The following FOXN3 variants were observed in gnomAD, a reference collection of about 807,000 sequenced individuals.
FOXN3 encodes the protein forkhead box protein N3.
Under a neutral mutation model 38.4 loss-of-function variants are expected in FOXN3, and 7 were observed. That is an observed-to-expected ratio of 0.18 (90% confidence interval 0.10 to 0.34). The LOEUF (loss-of-function observed/expected upper bound fraction) is 0.34, where lower values mean the gene tolerates loss of function less well. Among genes scored for constraint, FOXN3 ranks in the 10% least tolerant of loss-of-function variants. The pLI is 1.00. For missense variants in FOXN3, 456 were observed against 613.4 expected, an observed-to-expected ratio of 0.74 and a Z score of 2.71; for synonymous variants, 230 against 242.2, an observed-to-expected ratio of 0.95 and a Z score of 0.47.
At chr14:89,367,007 G>C (rs1890179618) in intron 2 of FOXN3, among the ~76,000 whole-genome samples, 1 of 152,084 alleles carries the variant, frequency 6.6e-6, no homozygotes, top group Non-Finnish European at 1.5e-5. Context: ...ACAGTGACAG[G>C]GTGTGTGTAC....
intron 3 of FOXN3, among the ~76,000 whole-genome samples, chr14:89,331,653 G>A (rs1401985770): frequency 6.6e-6 from 1 of 152,182 alleles, no homozygotes; most frequent in Non-Finnish European, 1.5e-5. Context: ...AATCAGACCA[G>A]TCTTCTCCAG....
intron 4 of FOXN3, among the ~76,000 whole-genome samples, chr14:89,249,532 T>C (rs938621466): frequency 2.0e-5 from 3 of 152,200 alleles, no homozygotes; most frequent in Non-Finnish European, 2.9e-5. Flanking sequence ...CTTCTAGGAA[T>C]GAAACAATAA....
chr14:89,197,881 A>G (rs1042511865), intron 4 of FOXN3, among the ~76,000 whole-genome samples: 1 of 152,248 alleles, frequency 6.6e-6, no homozygotes, highest in Admixed American at 6.5e-5. Flanking sequence ...AGAAGCCATC[A>G]AGGAAGACAA....
At chr14:89,426,586 A>G (rs192081312) in intron 1 of FOXN3, among the ~76,000 whole-genome samples, 149 of 152,256 alleles carry the variant, frequency 9.8e-4, no homozygotes, top group African/African-American at 3.3e-3. Context: ...AAATACAAAA[A>G]CTACCAATGA....
At chr14:89,173,166 A>G (rs1887434219) in intron 5 of FOXN3, among the ~76,000 whole-genome samples, 1 of 152,274 alleles carries the variant, frequency 6.6e-6, no homozygotes, top group South Asian at 2.1e-4. Context: ...CAGGAAATCC[A>G]TAAAATAATA....
chr14:89,415,877 CACACACCCT>C (rs1566647899), intron 1 of FOXN3, among the ~76,000 whole-genome samples: 12 of 145,646 alleles, frequency 8.2e-5, no homozygotes, highest in Non-Finnish European at 1.5e-4. Flanking sequence ...CACACACACA[CACACACCCT>C]CTTTTGTTTT....
At chr14:89,207,430 G>A (rs1888414282) in intron 4 of FOXN3, among the ~76,000 whole-genome samples, 1 of 152,138 alleles carries the variant, frequency 6.6e-6, no homozygotes, top group Non-Finnish European at 1.5e-5. Flanking sequence ...ACTATAAGGT[G>A]TGCTATTGAT....
At chr14:89,205,773 G>C (rs774881368) in intron 4 of FOXN3, among the ~76,000 whole-genome samples, 1 of 152,214 alleles carries the variant, frequency 6.6e-6, no homozygotes, top group Non-Finnish European at 1.5e-5. Flanking sequence ...CGGGGCTTCG[G>C]GAGCTGTAAA....
chr14:89,389,916 T>C (rs1890890045), intron 2 of FOXN3, among the ~76,000 whole-genome samples: 2 of 151,738 alleles, frequency 1.3e-5, no homozygotes, highest in South Asian at 4.1e-4. Context: ...TTTTCACTTT[T>C]ATAAACAAAA....
At chr14:89,563,673 C>T (rs1258692614) in intron 1 of FOXN3, among the ~76,000 whole-genome samples, 6 of 151,906 alleles carry the variant, frequency 3.9e-5, no homozygotes. Flanking sequence ...GGAAGCAGAG[C>T]AAAGTATGGA....
intron 3 of FOXN3, among the ~76,000 whole-genome samples, chr14:89,309,268 C>T (rs1887463131): frequency 6.6e-6 from 1 of 151,992 alleles, no homozygotes; most frequent in South Asian, 2.1e-4. Flanking sequence ...ACCCCATTTC[C>T]AAGCCTCCAG....
At chr14:89,558,850 T>G (rs243206) in intron 1 of FOXN3, among the ~76,000 whole-genome samples, 1 of 152,032 alleles carries the variant, frequency 6.6e-6, no homozygotes. Context: ...AGGTGGGCCA[T>G]GAGCTGATTG....
At position 89,224,022 on chromosome 14, in the gene FOXN3, C is replaced by A. The variant is rs192469151; in HGVS notation, c.746-43216G>T. Among the ~76,000 whole-genome samples the A allele has an allele frequency of 1.7e-3, 260 of 151,866 alleles. 2 individuals carry two copies. Among genetic ancestry groups the A allele is most frequent in the African/African-American group, 6.1e-3 (250 of 41,168 alleles). The stretch of plus-strand genomic sequence containing the variant: ...TCTGTCCATTAGAATAACAGACCAG[C>A]CTTGAGACTTTAACTTAAAATGTGG... On this transcript the variant is annotated intron_variant, in intron 4 of 5. Coordinates refer to ENST00000557258, the MANE Select transcript of FOXN3 (RefSeq NM_005197.4).
chr14:89,201,339 C>T (rs952565148), intron 4 of FOXN3, among the ~76,000 whole-genome samples: 1 of 152,144 alleles, frequency 6.6e-6, no homozygotes, highest in Non-Finnish European at 1.5e-5. Context: ...GAGGAGAGGG[C>T]GATTAATGCC....
intron 1 of FOXN3, among the ~76,000 whole-genome samples, chr14:89,415,207 T>G (rs550282658): frequency 6.6e-6 from 1 of 152,262 alleles, no homozygotes; most frequent in East Asian, 1.9e-4. Context: ...TAAATGAAAG[T>G]TTTATGTCTC....
At chr14:89,205,460 C>A (rs1888355948) in intron 4 of FOXN3, among the ~76,000 whole-genome samples, 1 of 152,240 alleles carries the variant, frequency 6.6e-6, no homozygotes, top group Non-Finnish European at 1.5e-5. Context: ...TGGCCTGCCA[C>A]ACTCCCATCG....
intron 1 of FOXN3, among the ~76,000 whole-genome samples, chr14:89,542,119 AGAG>A (rs1218497440): frequency 6.6e-6 from 1 of 152,204 alleles, no homozygotes; most frequent in Admixed American, 6.5e-5. Context: ...CCTGAAAGTA[AGAG>A]GAGGAACGCA....
chr14:89,261,821 G>C (rs750341596), intron 4 of FOXN3, among the ~76,000 whole-genome samples: 1 of 152,184 alleles, frequency 6.6e-6, no homozygotes, highest in Non-Finnish European at 1.5e-5. Context: ...CCAGCTAGTC[G>C]GGAGGCTGAG....
chr14:89,355,234 T>A (rs1889163655), intron 2 of FOXN3: 1 of 151,170 alleles, frequency 6.6e-6, no homozygotes, highest in African/African-American at 2.4e-5. Flanking sequence ...TTTTTTTTTT[T>A]CTTTTTGTGG....
Sources: gnomAD v4.1 joint callset for allele counts (sites outside exome capture counted in the v4.1 genomes callset) on GRCh38, gnomAD v4.1.1 for gene constraint, MANE v1.5 for transcripts, NCBI Gene and HGNC (gene_info 2026-07-23, HGNC 2026-07-21) for gene names.